The following CADM1 variants were observed in gnomAD, a reference collection of about 807,000 sequenced individuals.
The protein encoded by CADM1 is cell adhesion molecule 1.
Under a neutral mutation model 53.1 loss-of-function variants are expected in CADM1, and 15 were observed. The ratio of observed to expected loss-of-function variants is 0.28; its 90% CI spans 0.19 to 0.44. CADM1 has a LOEUF of 0.44. CADM1 is among the 20% of genes least tolerant of loss of function. The probability of loss-of-function intolerance (pLI) is 1.00; values close to 1 mark genes in which losing one functional copy is unlikely to be tolerated. For missense variants in CADM1, 434 were observed against 611.3 expected, an observed-to-expected ratio of 0.71 and a Z score of 3.06; for synonymous variants, 281 against 243.0, an observed-to-expected ratio of 1.16 and a Z score of -1.45.
intron 10 of CADM1, among the ~76,000 whole-genome samples, chr11:115,184,394 A>G (rs1027406549): frequency 6.6e-6 from 1 of 152,176 alleles, no homozygotes; most frequent in Non-Finnish European, 1.5e-5. Flanking sequence ...TAATCCTAAT[A>G]TGTTATTCTT....
Position 115,178,725 on chromosome 11 carries a change from T to C in CADM1, c.1216A>G (p.Ile406Val). ...GSIRAVDHAVIGGVVAVVVFA... is the reference protein window; with the variant it reads ...GSIRAVDHAVVGGVVAVVVFA... ...ACCACCACCGCCACGACGCCACCGA[T>C]CACGGCATGATCCACTGCCCTGATC... Residue 406 changes from isoleucine (I) to valine (V), a missense_variant, in exon 11 of 12, where the codon ATC (isoleucine) becomes GTC (valine). Coordinates refer to ENST00000331581, the MANE Select transcript of CADM1 (RefSeq NM_001301043.2). The C allele has an allele frequency of 1.2e-6, 2 of 1,613,944 alleles. No homozygotes were observed. Among genetic ancestry groups the C allele is most frequent in the Non-Finnish European group, 1.7e-6 (2 of 1,180,006 alleles).
chr11:115,302,001 A>T (rs1007865024), intron 1 of CADM1, among the ~76,000 whole-genome samples: 4 of 152,118 alleles, frequency 2.6e-5, no homozygotes, highest in African/African-American at 9.7e-5. Context: ...ATATATGTAC[A>T]TGTAAAAATG....
chr11:115,426,048 T>C (rs957459674), intron 1 of CADM1, among the ~76,000 whole-genome samples: 3 of 152,054 alleles, frequency 2.0e-5, no homozygotes, highest in African/African-American at 7.2e-5. Flanking sequence ...CCTAAGACAC[T>C]GAAGGACTCA....
intron 1 of CADM1, among the ~76,000 whole-genome samples, chr11:115,401,591 G>C (rs2135216192): frequency 6.6e-6 from 1 of 152,192 alleles, no homozygotes; most frequent in African/African-American, 2.4e-5. Flanking sequence ...CTAGGTGACA[G>C]AGCAAGATTC....
intron 8 of CADM1, among the ~76,000 whole-genome samples, chr11:115,200,507 T>C (rs1034100024): frequency 7.9e-5 from 12 of 152,242 alleles, no homozygotes; most frequent in African/African-American, 2.2e-4. Flanking sequence ...CTTTTCTTTT[T>C]TTTTTGAGAT....
At chr11:115,340,989 A>C (rs888125433) in intron 1 of CADM1, among the ~76,000 whole-genome samples, 5 of 151,998 alleles carry the variant, frequency 3.3e-5, no homozygotes, top group Non-Finnish European at 7.4e-5. Context: ...TGCAAATGGA[A>C]GAAAATGTTG....
At chr11:115,191,740 G>A (rs978752005) in intron 9 of CADM1, among the ~76,000 whole-genome samples, 1 of 152,166 alleles carries the variant, frequency 6.6e-6, no homozygotes, top group Non-Finnish European at 1.5e-5. Context: ...TTATTTGTGA[G>A]CTGATCCTTT....
intron 10 of CADM1, chr11:115,179,057 G>GC (rs1328648761): frequency 3.0e-5 from 13 of 435,602 alleles, no homozygotes; most frequent in African/African-American, 2.6e-4. Context: ...AGTCTATCCG[G>GC]CCCTGACCTA....
intron 1 of CADM1, among the ~76,000 whole-genome samples, chr11:115,458,204 C>T (rs192967200): frequency 2.0e-4 from 30 of 151,966 alleles, no homozygotes; most frequent in East Asian, 1.4e-3. Flanking sequence ...TGAGGAACAA[C>T]GTAACTATAA....
intron 1 of CADM1, among the ~76,000 whole-genome samples, chr11:115,421,066 TAATGTTAAAAC>T (rs1435023909): frequency 6.6e-6 from 1 of 152,172 alleles, no homozygotes; most frequent in Non-Finnish European, 1.5e-5. Flanking sequence ...AAATTTAACT[TAATGTTAAAAC>T]AAACTGCAAT....
chr11:115,432,976 T>C (rs998626807), intron 1 of CADM1, among the ~76,000 whole-genome samples: 4 of 152,226 alleles, frequency 2.6e-5, no homozygotes, highest in African/African-American at 9.6e-5. Context: ...ACAAAAGGAA[T>C]GCTCGTATTT....
At chr11:115,288,971 C>T (rs551917969) in intron 1 of CADM1, among the ~76,000 whole-genome samples, 2 of 152,260 alleles carry the variant, frequency 1.3e-5, no homozygotes, top group South Asian at 4.1e-4. Flanking sequence ...CCTCACACTA[C>T]CCCCAGGTTA....
At chr11:115,327,504 A>T (rs1944989347) in intron 1 of CADM1, among the ~76,000 whole-genome samples, 1 of 147,014 alleles carries the variant, frequency 6.8e-6, no homozygotes, top group African/African-American at 2.5e-5. Flanking sequence ...TACACTTTTG[A>T]TTGGAATACA....
intron 2 of CADM1, among the ~76,000 whole-genome samples, chr11:115,239,513 T>C (rs1285445336): frequency 1.3e-5 from 2 of 152,190 alleles, no homozygotes; most frequent in South Asian, 2.1e-4. Context: ...ACTTAGTATA[T>C]GACAAAAATT....
intron 1 of CADM1, among the ~76,000 whole-genome samples, chr11:115,495,765 C>A (rs1186067772): frequency 6.6e-6 from 1 of 152,172 alleles, no homozygotes; most frequent in Non-Finnish European, 1.5e-5. Flanking sequence ...ACTTCCCTTC[C>A]ATCTCTCTGG....
intron 10 of CADM1, among the ~76,000 whole-genome samples, chr11:115,189,611 C>A (rs1939746076): frequency 6.6e-6 from 1 of 152,182 alleles, no homozygotes; most frequent in Non-Finnish European, 1.5e-5. Flanking sequence ...AATGTTTTTG[C>A]AACTTCTCCA....
chr11:115,275,364 C>T (rs1161678347), intron 1 of CADM1, among the ~76,000 whole-genome samples: 3 of 152,118 alleles, frequency 2.0e-5, no homozygotes, highest in Non-Finnish European at 4.4e-5. Flanking sequence ...GACAGGCTCG[C>T]GACTCACAAC....
chr11:115,199,500 G>A (rs757650013), intron 8 of CADM1, among the ~76,000 whole-genome samples: 2 of 152,156 alleles, frequency 1.3e-5, no homozygotes, highest in African/African-American at 2.4e-5. Flanking sequence ...ACTTGCTCCT[G>A]TTCACAAGAA....
chr11:115,453,511 G>GT (rs1420578102), intron 1 of CADM1, among the ~76,000 whole-genome samples: 1 of 151,922 alleles, frequency 6.6e-6, no homozygotes, highest in Non-Finnish European at 1.5e-5. Context: ...CATTGTTTTT[G>GT]TTTTTGAGAC....
Sources: gnomAD v4.1 joint callset for allele counts (sites outside exome capture counted in the v4.1 genomes callset) on GRCh38, gnomAD v4.1.1 for gene constraint, MANE v1.5 for transcripts, NCBI Gene and HGNC (gene_info 2026-07-23, HGNC 2026-07-21) for gene names.